HUWE1: variants seen among roughly 807,000 people sequenced by gnomAD.
HUWE1 encodes HECT, UBA and WWE domain containing E3 ubiquitin protein ligase 1, also known as E3 ubiquitin-protein ligase HUWE1.
Under a neutral mutation model 299.4 loss-of-function variants are expected in HUWE1, and 18 were observed. That is an observed-to-expected ratio of 0.06 (90% CI 0.04 to 0.09). The LOEUF (loss-of-function observed/expected upper bound fraction) is 0.09, where lower values mean the gene tolerates loss of function less well. Ranked by LOEUF, HUWE1 falls within the 10% of genes least tolerant of loss-of-function variation. The probability of loss-of-function intolerance (pLI) is 1.00; values close to 1 mark genes in which losing one functional copy is unlikely to be tolerated. For synonymous variants in HUWE1, 1,317 were observed against 1,286.1 expected (o/e 1.02, Z -0.51); for missense variants, 1,832 against 3,462.3 (o/e 0.53, Z 11.82).
At chrX:53,603,757 ACT>A (rs782393168) in intron 26 of HUWE1, among the ~76,000 whole-genome samples, 1 of 111,742 alleles carries the variant, frequency 8.9e-6, no homozygotes, top group South Asian at 3.7e-4. Context: ...ATCAGAGGCT[ACT>A]CTTTTTTTCT....
intron 3 of HUWE1, among the ~76,000 whole-genome samples, chrX:53,657,589 A>C (rs1468344763): frequency 1.8e-5 from 2 of 112,269 alleles, no homozygotes; most frequent in African/African-American, 6.5e-5. Context: ...GTCCTAGCTA[A>C]AGCAGTAAAG....
Position 53,604,725 on chromosome X carries a change from A to G in HUWE1, c.2606T>C (p.Val869Ala). 8.3e-7 allele frequency: 1 copy of G among 1,211,896 alleles called. No homozygotes were observed. The highest frequency in any genetic ancestry group is 1.1e-6 in the Non-Finnish European group (1 of 895,487). Residue 869 changes from valine to alanine, a missense_variant, in exon 26 of 84, where the codon GTG becomes GCG. This residue lies in a region of HUWE1 where 658 missense variants were observed against 1,282.6 expected (regional missense o/e 0.51). Coordinates refer to ENST00000262854, the MANE Select transcript of HUWE1 (RefSeq NM_031407.7). ...TGCGCAAGCCAGTTCTCGCAACAAC[A>G]CTGAGCCCCCAGGGGATTCAATGGG... ...HRPIESPGGS[V>A]LLRELACAGN...
intron 74 of HUWE1, among the ~76,000 whole-genome samples, chrX:53,540,148 A>C (rs782017740): frequency 1.2e-4 from 14 of 112,139 alleles, no homozygotes; most frequent in African/African-American, 4.5e-4. Context: ...ATTTCAGGGT[A>C]ATGTAACAAC....
chrX:53,536,060 G>A (rs2061046817), intron 80 of HUWE1, 87 bp downstream of exon 80: 11 of 574,101 alleles, frequency 1.9e-5, no homozygotes, highest in Middle Eastern at 4.3e-4. Flanking sequence ...ACTATGAGAA[G>A]GTCACGCAGT....
chrX:53,674,578 T>C (rs1241873631), intron 3 of HUWE1, among the ~76,000 whole-genome samples: 3 of 112,241 alleles, frequency 2.7e-5, no homozygotes, highest in Non-Finnish European at 5.6e-5. Context: ...ACTAACTTAT[T>C]TGTATAGCAT....
At chrX:53,598,657 A>G (rs1308647911) in intron 29 of HUWE1, among the ~76,000 whole-genome samples, 1 of 112,402 alleles carries the variant, frequency 8.9e-6, no homozygotes, top group Non-Finnish European at 1.9e-5. Context: ...TCGACTGTTT[A>G]TGTTACTGGT....
intron 3 of HUWE1, among the ~76,000 whole-genome samples, chrX:53,671,986 CTGGTT>C (rs1228461644): frequency 9.7e-6 from 1 of 103,000 alleles, no homozygotes; most frequent in Non-Finnish European, 2.0e-5. Context: ...ACAAAGCAAA[CTGGTT>C]AAATAAATTC....
chrX:53,548,182 G>A lies in HUWE1; in HGVS notation c.10127C>T (p.Ser3376Phe), dbSNP rs782083183. Residue 3376 changes from serine (S) to phenylalanine (F), a missense_variant, in exon 68 of 84, where the codon TCC becomes TTC. Coordinates refer to ENST00000262854, the MANE Select transcript of HUWE1 (RefSeq NM_031407.7). ...ERGNKACSPC[S>F]SQSSSSGICT... ...AATGCCACTGCTGGAGGACTGTGAG[G>A]AGCATGGGCTACAGGCCTTATTGCC... 1 of 1,209,150 alleles carries A rather than the reference G, an allele frequency of 8.3e-7. No homozygotes were observed. The highest frequency in any genetic ancestry group is 1.8e-5 in the South Asian group (1 of 56,279).
chrX:53,539,510 G>T, intron 75 of HUWE1, 147 bp downstream of exon 75: 1 of 535,740 alleles, frequency 1.9e-6, no homozygotes, highest in African/African-American at 2.3e-5. Flanking sequence ...TTATACTGAA[G>T]TCAGAGAAAA....
At chrX:53,623,827 T>C (rs1557014462) in intron 19 of HUWE1, among the ~76,000 whole-genome samples, 2 of 112,155 alleles carry the variant, frequency 1.8e-5, no homozygotes, top group African/African-American at 6.5e-5. Flanking sequence ...CAAGGAAGTA[T>C]CTAAGTTGTA....
Position 53,536,677 on chromosome X carries a change from A to G in HUWE1, c.12138-10T>C, listed in dbSNP as rs2061075357. ...TTCAAATACTATATACCTGCATAAG[A>G]AAGCAGAAGCAGAAAAGAGCTGTGC... On this transcript the variant is annotated splice_polypyrimidine_tract_variant and intron_variant, in intron 78 of 83. Coordinates refer to ENST00000262854, the MANE Select transcript of HUWE1 (RefSeq NM_031407.7). 8.3e-7 allele frequency: 1 copy of G among 1,203,532 alleles called. No individual in the cohort carries two copies. Among genetic ancestry groups the G allele is most frequent in the Non-Finnish European group, 1.1e-6 (1 of 890,103 alleles).
chrX:53,548,942 G>A lies in HUWE1; in HGVS notation c.10035+17C>T, dbSNP rs1556925807. On this transcript the variant is annotated intron_variant, in intron 67 of 83. Transcript: ENST00000262854. ...CACCCTTCTTCCATCCCCAGGAGTT[G>A]GGTTTGAAACCCTCACCTTGGCCAA... 8.5e-7 allele frequency: 1 copy of A among 1,176,780 alleles called. No homozygotes were observed.
intron 71 of HUWE1, 22 bp downstream of exon 71, chrX:53,545,007 C>G: frequency 1.7e-6 from 2 of 1,208,188 alleles, no homozygotes; most frequent in African/African-American, 3.5e-5. Flanking sequence ...AAGCCCCCAG[C>G]CAAAGGGTGG....
intron 2 of HUWE1, chrX:53,683,839 A>T (rs1387215888): frequency 3.4e-5 from 5 of 147,250 alleles, no homozygotes; most frequent in Non-Finnish European, 6.7e-5. Flanking sequence ...GACCGACCCT[A>T]GTCACTGCCC....
chrX:53,566,113 A>ATG (rs1192059818), intron 49 of HUWE1, among the ~76,000 whole-genome samples: 659 of 55,365 alleles, frequency 0.012, 9 homozygotes, highest in South Asian at 0.041. Context: ...GTATGTATGT[A>ATG]TGTATGTGTG....
intron 19 of HUWE1, among the ~76,000 whole-genome samples, chrX:53,622,074 G>C (rs1603156998): frequency 8.9e-6 from 1 of 112,094 alleles, no homozygotes; most frequent in Admixed American, 9.4e-5. Flanking sequence ...GAAGGAGTCA[G>C]AATATTTAGT....
chrX:53,589,485 T>C, intron 36 of HUWE1, 62 bp downstream of exon 36: 1 of 1,099,304 alleles, frequency 9.1e-7, no homozygotes, highest in Non-Finnish European at 1.3e-6. Context: ...AGAAATCAGG[T>C]TTTGACACAG....
chrX:53,559,669 TAA>T lies in HUWE1; in HGVS notation c.7737-139_7737-138del, dbSNP rs782266459. On this transcript the variant is annotated intron_variant, in intron 56 of 83. Transcript: ENST00000262854. ...AAACCTGATGATGTGCACACAAGTC[TAA>T]GTTATTTTTCTGAATACCACCCTGG... 40 of 575,968 alleles carry T rather than the reference TAA, an allele frequency of 6.9e-5. No individual in the cohort carries two copies. In the Middle Eastern group the frequency reaches 1.5e-3, roughly 22 times the overall value. 47.5% of individuals were successfully genotyped at this position (575,968 alleles called of 1,213,427 possible). A position where few individuals can be genotyped will look rare whatever the true frequency, so the allele number is the denominator to read the frequency against.
intron 73 of HUWE1, 66 bp downstream of exon 73, chrX:53,543,775 C>T: frequency 1.7e-6 from 2 of 1,206,905 alleles, no homozygotes; most frequent in Non-Finnish European, 2.2e-6. Flanking sequence ...TGAAACCCCA[C>T]TGATGACATG....
Sources: allele counts gnomAD v4.1 joint callset (sites outside exome capture counted in the v4.1 genomes callset), GRCh38; gene constraint gnomAD v4.1.1; regional missense constraint gnomAD v4.1.1; transcripts MANE v1.5; gene names NCBI Gene and HGNC (gene_info 2026-07-23, HGNC 2026-07-21).